The following DSCAM variants were observed in gnomAD, a reference collection of about 807,000 sequenced individuals.
The protein encoded by DSCAM is DS cell adhesion molecule.
A neutral mutation model predicts 217.7 loss-of-function variants in DSCAM; 47 were observed. The observed-to-expected ratio is 0.22, with a 90% CI of 0.17 to 0.28. The LOEUF is 0.28. DSCAM is among the 10% of genes least tolerant of loss of function. DSCAM has a pLI of 1.00. For missense variants in DSCAM, 2,080 were observed against 2,618.3 expected, an observed-to-expected ratio of 0.79 and a Z score of 4.49; for synonymous variants, 1,056 against 1,015.3, an observed-to-expected ratio of 1.04 and a Z score of -0.76.
chr21:40,504,505 A>G (rs867974996), intron 3 of DSCAM, among the ~76,000 whole-genome samples: 43 of 152,266 alleles, frequency 2.8e-4, no homozygotes, highest in Admixed American at 2.6e-4. Context: ...ACATTAAAAT[A>G]TACAGGATAC....
At position 40,708,536 on chromosome 21, in the gene DSCAM, G is replaced by C. The variant is rs780058531; in HGVS notation, c.279C>G (p.Thr93=). 6.3e-7 allele frequency: 1 copy of C among 1,584,862 alleles called. No homozygotes were observed. Among genetic ancestry groups the C allele is most frequent in the Admixed American group, 1.7e-5 (1 of 57,326 alleles). ...AATAATAAGTATTATCATGGATTAA[G>C]GTACTGAAGCTTGAAGGAGGGAAGG... is the stretch of plus-strand genomic sequence containing the variant. ...IFPFPPSSFS[T]LIHDNTYYCT... The change falls in exon 2 of 33, where the codon ACC becomes ACG. Residue 93 remains threonine (T), a synonymous_variant. Transcript: ENST00000400454.
intron 3 of DSCAM, among the ~76,000 whole-genome samples, chr21:40,686,417 A>C (rs1443753402): frequency 6.6e-6 from 1 of 151,890 alleles, no homozygotes; most frequent in African/African-American, 2.4e-5. Flanking sequence ...ACGTATGCAC[A>C]CACCACACCA....
At chr21:40,418,755 A>G (rs1417103026) in intron 3 of DSCAM, among the ~76,000 whole-genome samples, 3 of 152,334 alleles carry the variant, frequency 2.0e-5, no homozygotes, top group South Asian at 4.1e-4. Context: ...AAAACATGAT[A>G]AATGAATTAA....
chr21:40,656,522 G>GAA (rs35455991), intron 3 of DSCAM, among the ~76,000 whole-genome samples: 63 of 138,082 alleles, frequency 4.6e-4, no homozygotes, highest in Middle Eastern at 3.8e-3. Context: ...TGCTTCAATA[G>GAA]AAAAAAAAAA....
At chr21:40,776,575 G>A (rs1280072339) in intron 1 of DSCAM, among the ~76,000 whole-genome samples, 1 of 152,134 alleles carries the variant, frequency 6.6e-6, no homozygotes, top group East Asian at 1.9e-4. Context: ...CAGACAGAGA[G>A]CATATGATGT....
chr21:40,675,509 T>A (rs981274255), intron 3 of DSCAM, among the ~76,000 whole-genome samples: 7 of 152,202 alleles, frequency 4.6e-5, no homozygotes, highest in African/African-American at 1.7e-4. Flanking sequence ...CAAATAACTG[T>A]CCCTAATTTA....
rs2088090327 is a variant in DSCAM, at chr21:40,013,141, C to G, written c.5932G>C (p.Glu1978Gln). The change falls in exon 33 of 33, where the codon GAG (glutamate) becomes CAG (glutamine). Residue 1978 changes from glutamate to glutamine, a missense_variant. Around this residue, in one of 5 missense-constraint regions of DSCAM, gnomAD observed 145 missense variants for 138.5 expected, o/e 1.05. Coordinates refer to ENST00000400454, the MANE Select transcript of DSCAM (RefSeq NM_001389.5). ...CTCATTTTAGCTGCCTGTCCCAGCTCTGCTCCCTCCCGCTGAGGTAATGTG... is the reference window on the plus strand; with the variant it reads ...CTCATTTTAGCTGCCTGTCCCAGCTGTGCTCCCTCCCGCTGAGGTAATGTG... Reference protein sequence around the residue: ...VATLPQREGAELGQAAKMSSS... With the variant: ...VATLPQREGAQLGQAAKMSSS... 6.2e-7 allele frequency: 1 copy of G among 1,613,132 alleles called. No homozygotes were observed. Among genetic ancestry groups the G allele is most frequent in the African/African-American group, 1.3e-5 (1 of 74,880 alleles).
chr21:40,153,439 G>A (rs527426565), intron 16 of DSCAM, among the ~76,000 whole-genome samples: 3 of 152,286 alleles, frequency 2.0e-5, no homozygotes, highest in Non-Finnish European at 4.4e-5. Flanking sequence ...TGTCGCCAAA[G>A]CAATTGGCAT....
At chr21:40,507,019 C>G (rs556851995) in intron 3 of DSCAM, among the ~76,000 whole-genome samples, 1 of 152,338 alleles carries the variant, frequency 6.6e-6, no homozygotes, top group Admixed American at 6.5e-5. Flanking sequence ...CGGCTCACGC[C>G]TGTAATCCCA....
At chr21:40,715,368 A>C (rs920999946) in intron 1 of DSCAM, among the ~76,000 whole-genome samples, 1 of 152,220 alleles carries the variant, frequency 6.6e-6, no homozygotes, top group Non-Finnish European at 1.5e-5. Context: ...CACTGGCAGA[A>C]ACCAAGAGTT....
intron 10 of DSCAM, among the ~76,000 whole-genome samples, chr21:40,295,033 T>C (rs1022590600): frequency 2.0e-4 from 31 of 152,184 alleles, no homozygotes; most frequent in African/African-American, 7.5e-4. Flanking sequence ...GTACCATTTA[T>C]TTTTCCTTTG....
intron 10 of DSCAM, among the ~76,000 whole-genome samples, chr21:40,282,283 A>G (rs568377339): frequency 4.3e-4 from 66 of 152,286 alleles, no homozygotes; most frequent in African/African-American, 1.5e-3. Flanking sequence ...TTGAAAAAAT[A>G]TAACTATAAG....
intron 3 of DSCAM, among the ~76,000 whole-genome samples, chr21:40,685,360 C>T (rs2090461892): frequency 6.6e-6 from 1 of 152,170 alleles, no homozygotes; most frequent in Non-Finnish European, 1.5e-5. Flanking sequence ...GGCTCACTGC[C>T]TGAACTGCAT....
intron 1 of DSCAM, among the ~76,000 whole-genome samples, chr21:40,810,732 C>T (rs1056430108): frequency 2.6e-5 from 4 of 152,136 alleles, no homozygotes; most frequent in Admixed American, 2.6e-4. Flanking sequence ...AAGACCCTAT[C>T]TCTACAAAAT....
intron 1 of DSCAM, among the ~76,000 whole-genome samples, chr21:40,816,686 C>G (rs1241878778): frequency 6.6e-6 from 1 of 152,192 alleles, no homozygotes; most frequent in Non-Finnish European, 1.5e-5. Flanking sequence ...TTCACATCCT[C>G]CCAGGAACTG....
chr21:40,231,672 G>C (rs2091383737), intron 11 of DSCAM, among the ~76,000 whole-genome samples: 1 of 151,834 alleles, frequency 6.6e-6, no homozygotes, highest in South Asian at 2.1e-4. Context: ...CCAGCTGACT[G>C]TTCTATTTTT....
chr21:40,584,085 G>T (rs941315372), intron 3 of DSCAM, among the ~76,000 whole-genome samples: 1 of 152,120 alleles, frequency 6.6e-6, no homozygotes, highest in Non-Finnish European at 1.5e-5. Context: ...AGTCAGAAAA[G>T]ACCTCATTTG....
intron 32 of DSCAM, among the ~76,000 whole-genome samples, chr21:40,039,321 G>A (rs947289507): frequency 4.7e-5 from 7 of 150,350 alleles, no homozygotes; most frequent in Non-Finnish European, 8.9e-5. Flanking sequence ...AAAAAAAAAA[G>A]AATGGAAAAT....
chr21:40,411,627 T>C (rs1218027522), intron 3 of DSCAM, among the ~76,000 whole-genome samples: 1 of 152,070 alleles, frequency 6.6e-6, no homozygotes, highest in Non-Finnish European at 1.5e-5. Context: ...TCAACATAAG[T>C]TATAATAGCT....
Sources: gnomAD v4.1 joint callset for allele counts (sites outside exome capture counted in the v4.1 genomes callset) on GRCh38, gnomAD v4.1.1 for gene constraint, gnomAD v4.1.1 regional missense constraint, MANE v1.5 for transcripts, NCBI Gene and HGNC (gene_info 2026-07-23, HGNC 2026-07-21) for gene names.